The following IRF3 variants were observed in gnomAD, a reference collection of about 807,000 sequenced individuals.
The protein encoded by IRF3 is interferon regulatory factor 3.
A neutral mutation model predicts 43.2 loss-of-function variants in IRF3; 29 were observed. The observed-to-expected ratio is 0.67, with a 90% CI of 0.50 to 0.91. The LOEUF (loss-of-function observed/expected upper bound fraction) is 0.91. Among genes scored for constraint, IRF3 ranks in the 40% least tolerant of loss-of-function variants. The pLI, the probability that IRF3 is intolerant of heterozygous loss-of-function variation, is 0.00. For missense variants in IRF3, 505 were observed against 559.1 expected (o/e 0.90, Z 0.98); for synonymous variants, 228 against 233.9 (o/e 0.97, Z 0.23).
intron 1 of IRF3, chr19:49,665,358 C>G (rs2081634652): frequency 5.7e-6 from 1 of 174,802 alleles, no homozygotes. Context: ...AGAGCACGCC[C>G]CAGGTTTCGA....
intron 6 of IRF3, 152 bp from the exon 7 acceptor site, chr19:49,660,980 T>C: frequency 1.2e-6 from 1 of 834,562 alleles, no homozygotes; most frequent in East Asian, 2.9e-5. Context: ...AGTCCCCTCC[T>C]TCCCTCCCTC....
intron 7 of IRF3, among the ~76,000 whole-genome samples, chr19:49,660,426 G>T: frequency 6.6e-6 from 1 of 152,132 alleles, no homozygotes. Context: ...CTGCAGTGGA[G>T]CAGTTTCATC....
In IRF3 at chr19:49,664,675, T is replaced by A; in HGVS notation, c.164A>T (p.Gln55Leu). The change falls in exon 2 of 8, where the codon CAG (glutamine) becomes CTG (leucine). Residue 55 changes from glutamine (Q) to leucine (L), a missense_variant and splice_region_variant. Transcript: ENST00000377139. The part of the protein sequence containing the change: ...DAQQEDFGIF[Q>L]AWAEATGAYV... ...AGCGTCCCAGGTCGTCGCACGCACC[T>A]GGAAGATTCCGAAATCCTCCTGCTG... 6.2e-7 allele frequency: 1 copy of A among 1,613,426 alleles called. No homozygotes were observed. Among genetic ancestry groups the A allele is most frequent in the Non-Finnish European group, 8.5e-7 (1 of 1,179,514 alleles).
intron 4 of IRF3, 31 bp from the exon 5 acceptor site, chr19:49,662,648 A>G (rs1406360371): frequency 4.0e-6 from 6 of 1,499,710 alleles, no homozygotes; most frequent in Non-Finnish European, 5.4e-6. Context: ...AGAATCAGGC[A>G]TTTCCATATC....
At chr19:49,664,612 A>G (rs1183324089) in intron 2 of IRF3, 62 bp downstream of exon 2, 3 of 1,610,510 alleles carry the variant, frequency 1.9e-6, no homozygotes, top group Non-Finnish European at 2.5e-6. Flanking sequence ...CGGGCCCACT[A>G]GGAGTCCTTT....
intron 6 of IRF3, 109 bp downstream of exon 6, chr19:49,661,839 A>G (rs2081344661): frequency 7.3e-7 from 1 of 1,364,308 alleles, no homozygotes; most frequent in East Asian, 2.3e-5. Flanking sequence ...TCAGCCTCCC[A>G]AAGTGCTGGG....
intron 2 of IRF3, chr19:49,664,346 G>A (rs1408173699): frequency 5.5e-6 from 5 of 914,858 alleles, no homozygotes; most frequent in Non-Finnish European, 7.9e-6. Context: ...CACCTCTGAT[G>A]TTTCAAGAAC....
chr19:49,665,582 T>C (rs2081673553), intron 1 of IRF3, 49 bp downstream of exon 1: 1 of 523,340 alleles, frequency 1.9e-6, no homozygotes, highest in African/African-American at 1.9e-5. Context: ...TCTTTCCCGC[T>C]CCTCGCTCTC....
chr19:49,660,027 A>ACACACACACACACACACACCCC (rs57168131), intron 7 of IRF3, among the ~76,000 whole-genome samples, 194 bp from the exon 8 acceptor site: 1 of 74,716 alleles, frequency 1.3e-5, no homozygotes, highest in African/African-American at 9.9e-5. Context: ...ACACACACAC[A>ACACACACACACACACACACCCC]CCCCCTGCTG....
rs753663369 is a variant in IRF3, at chr19:49,665,776, G to T, written c.-154C>A. 2.6e-6 allele frequency: 4 copies of T among 1,554,982 alleles called. No homozygotes were observed. In the Admixed American group the frequency reaches 7.7e-5, roughly 30 times the overall value. On this transcript the variant is annotated 5_prime_UTR_variant, in exon 1 of 8. Transcript: ENST00000377139. ...GGGCTTTCTTTTTGATCGACTTCTT[G>T]AAATAAAACCAACTTTATCATTCTT... is the stretch of plus-strand genomic sequence containing the variant.
intron 6 of IRF3, 40 bp from the exon 7 acceptor site, chr19:49,660,868 C>G: frequency 6.4e-7 from 1 of 1,556,736 alleles, no homozygotes; most frequent in Non-Finnish European, 8.7e-7. Context: ...AGAAGAGGAC[C>G]CTCTACCCAC....
intron 4 of IRF3, 23 bp downstream of exon 4, chr19:49,663,165 A>T (rs758944853): frequency 6.2e-7 from 1 of 1,603,338 alleles, no homozygotes; most frequent in Non-Finnish European, 8.5e-7. Flanking sequence ...ACTGAGGGGC[A>T]TGAAAGTTGG....
At chr19:49,660,997 T>G in intron 6 of IRF3, 169 bp from the exon 7 acceptor site, 2 of 663,854 alleles carry the variant, frequency 3.0e-6, no homozygotes, top group Non-Finnish European at 4.6e-6. Context: ...CCTCCCTCCC[T>G]CCCATCAGGG....
chr19:49,665,748 C>T lies in IRF3; in HGVS notation c.-126G>A. The T allele has an allele frequency of 6.6e-7, 1 of 1,524,942 alleles. No homozygotes were observed. Among genetic ancestry groups the T allele is most frequent in the Non-Finnish European group, 8.8e-7 (1 of 1,131,806 alleles). The allele number at this position is 1,524,942 out of a possible 1,614,324, so 94.5% of individuals were successfully genotyped here. A position where few individuals can be genotyped will look rare whatever the true frequency, so the allele number is the denominator to read the frequency against. On this transcript the variant is annotated 5_prime_UTR_variant, in exon 1 of 8. Transcript: ENST00000377139. ...TTCCCGTCAGCTGAGCTCTAGAGCG[C>T]TGGGGCTTTCTTTTTGATCGACTTC...
At chr19:49,661,922 C>CCT in intron 6 of IRF3, 26 bp downstream of exon 6, 4 of 1,583,010 alleles carry the variant, frequency 2.5e-6, no homozygotes, top group Non-Finnish European at 3.4e-6. Context: ...TTGTACTGGC[C>CCT]AGGTCGAAGC....
intron 6 of IRF3, 86 bp downstream of exon 6, chr19:49,661,862 A>T: frequency 1.3e-6 from 2 of 1,485,740 alleles, no homozygotes; most frequent in Middle Eastern, 2.2e-4. Flanking sequence ...TACAGGCGTG[A>T]GCCACCGTGC....
intron 2 of IRF3, chr19:49,664,449 TC>T: frequency 6.6e-7 from 1 of 1,513,960 alleles, no homozygotes; most frequent in Non-Finnish European, 8.8e-7. Context: ...TAACCGGCTT[TC>T]CCGGTTTTAT....
Position 49,659,685 on chromosome 19 carries a change from A to C in IRF3, c.1247T>G (p.Val416Gly), listed in dbSNP as rs1263796041. 6.2e-7 allele frequency: 1 copy of C among 1,613,864 alleles called. No individual in the cohort carries two copies. The highest frequency in any genetic ancestry group is 1.7e-5 in the Admixed American group (1 of 60,004). The part of the protein sequence containing the change: ...DQYKAYLQDL[V>G]EGMDFQGPGE... The stretch of plus-strand genomic sequence containing the variant: ...AGGGCCCTGGAAATCCATGCCCTCC[A>C]CCAAGTCCTGCAGGTAGGCCTTGTA... The change falls in exon 8 of 8, where the codon GTG becomes GGG. Residue 416 changes from valine to glycine, a missense_variant. By Grantham distance (109) the Val-to-Gly change is moderately radical. Transcript: ENST00000377139.
intron 2 of IRF3, chr19:49,664,454 GT>G (rs1185628582): frequency 1.3e-6 from 2 of 1,519,112 alleles, no homozygotes. Flanking sequence ...GGCTTTCCCG[GT>G]TTTATTCCCG....
Sources: allele counts gnomAD v4.1 joint callset (sites outside exome capture counted in the v4.1 genomes callset), GRCh38; gene constraint gnomAD v4.1.1; transcripts MANE v1.5; gene names NCBI Gene and HGNC (gene_info 2026-07-23, HGNC 2026-07-21).